SNTG1: variants seen among roughly 807,000 people sequenced by gnomAD.
SNTG1 encodes the protein syntrophin gamma 1, also known as gamma-1-syntrophin.
A neutral mutation model predicts 74.7 loss-of-function variants in SNTG1; 39 were observed. The observed-to-expected ratio is 0.52, with a 90% CI of 0.40 to 0.68. The LOEUF is 0.68. Among genes scored for constraint, SNTG1 ranks in the 30% least tolerant of loss-of-function variants. SNTG1 has a pLI of 0.00. For missense variants in SNTG1, 685 were observed against 609.5 expected (o/e 1.12, Z -1.30); for synonymous variants, 254 against 217.1 (o/e 1.17, Z -1.49).
At chr8:50,014,322 C>T (rs1193388262) in intron 1 of SNTG1, among the ~76,000 whole-genome samples, 1 of 152,108 alleles carries the variant, frequency 6.6e-6, no homozygotes, top group Non-Finnish European at 1.5e-5. Context: ...AGGACAAATA[C>T]AAAATGTGCA....
At chr8:50,724,407 A>G (rs972154185) in intron 17 of SNTG1, among the ~76,000 whole-genome samples, 3 of 152,196 alleles carry the variant, frequency 2.0e-5, no homozygotes, top group African/African-American at 4.8e-5. Context: ...TAATGTGGCC[A>G]TGCAATTTGC....
intron 17 of SNTG1, among the ~76,000 whole-genome samples, chr8:50,730,425 T>G (rs1411157693): frequency 2.0e-5 from 3 of 152,204 alleles, no homozygotes; most frequent in African/African-American, 7.2e-5. Flanking sequence ...CTTTTATTAT[T>G]TCACACTATT....
intron 18 of SNTG1, among the ~76,000 whole-genome samples, chr8:50,772,289 A>G (rs2095629158): frequency 6.6e-6 from 1 of 152,096 alleles, no homozygotes; most frequent in African/African-American, 2.4e-5. Context: ...CTTCACAACA[A>G]TGTACACAGG....
chr8:50,460,478 G>A (rs886324845), intron 8 of SNTG1, among the ~76,000 whole-genome samples: 1 of 152,010 alleles, frequency 6.6e-6, no homozygotes, highest in African/African-American at 2.4e-5. Context: ...TGCAGAAGCT[G>A]TTTAGTTTAA....
intron 13 of SNTG1, among the ~76,000 whole-genome samples, chr8:50,621,441 T>C (rs545488483): frequency 4.6e-5 from 7 of 152,238 alleles, no homozygotes; most frequent in Non-Finnish European, 1.0e-4. Context: ...CCTTTTAATA[T>C]TTTGTTCAGA....
At chr8:50,405,439 G>A (rs1024363002) in intron 4 of SNTG1, among the ~76,000 whole-genome samples, 1 of 151,990 alleles carries the variant, frequency 6.6e-6, no homozygotes, top group Non-Finnish European at 1.5e-5. Context: ...TTGTCTACTT[G>A]TGCGTCCTCT....
intron 15 of SNTG1, among the ~76,000 whole-genome samples, chr8:50,691,795 T>G (rs1216131875): frequency 1.3e-5 from 2 of 152,212 alleles, no homozygotes; most frequent in Admixed American, 1.3e-4. Flanking sequence ...AATGTTGGCC[T>G]GCCTTGCTAG....
chr8:50,228,001 T>C (rs1229073876), intron 2 of SNTG1, among the ~76,000 whole-genome samples: 1 of 145,962 alleles, frequency 6.9e-6, no homozygotes, highest in African/African-American at 2.5e-5. Flanking sequence ...AAAATAAGAA[T>C]CAGATTATGA....
At chr8:50,027,614 C>A (rs1563491936) in intron 1 of SNTG1, among the ~76,000 whole-genome samples, 1 of 152,134 alleles carries the variant, frequency 6.6e-6, no homozygotes, top group Admixed American at 6.5e-5. Flanking sequence ...CTAGAAAAGG[C>A]AAGGGGGCAT....
intron 13 of SNTG1, among the ~76,000 whole-genome samples, chr8:50,622,609 A>G (rs2094930356): frequency 6.6e-6 from 1 of 152,126 alleles, no homozygotes; most frequent in Non-Finnish European, 1.5e-5. Context: ...TATTTTACCA[A>G]TGACATTTCC....
chr8:49,918,216 G>GAT (rs1174038790), intron 1 of SNTG1, among the ~76,000 whole-genome samples: 1 of 152,146 alleles, frequency 6.6e-6, no homozygotes, highest in Non-Finnish European at 1.5e-5. Context: ...GAGTGGCTGA[G>GAT]ATAAAATAGA....
At chr8:50,039,470 A>C (rs1395765009) in intron 1 of SNTG1, among the ~76,000 whole-genome samples, 2 of 150,796 alleles carry the variant, frequency 1.3e-5, no homozygotes, top group African/African-American at 4.8e-5. Context: ...AAAAAAAAAA[A>C]AAAAAAAAAA....
chr8:50,009,115 A>C (rs1815527207), intron 1 of SNTG1, among the ~76,000 whole-genome samples: 1 of 152,166 alleles, frequency 6.6e-6, no homozygotes, highest in Non-Finnish European at 1.5e-5. Context: ...TAACTATTTC[A>C]GACTTTGCTA....
At chr8:50,266,925 G>A (rs2087512349) in intron 2 of SNTG1, among the ~76,000 whole-genome samples, 1 of 151,876 alleles carries the variant, frequency 6.6e-6, no homozygotes, top group South Asian at 2.1e-4. Flanking sequence ...AGACATCTCT[G>A]TGTAGGAACG....
At chr8:50,153,530 G>GT (rs1188476362) in intron 1 of SNTG1, among the ~76,000 whole-genome samples, 2 of 152,126 alleles carry the variant, frequency 1.3e-5, no homozygotes, top group Non-Finnish European at 2.9e-5. Context: ...CATCTTTGTG[G>GT]TTTTATTTAC....
intron 2 of SNTG1, among the ~76,000 whole-genome samples, chr8:50,363,155 G>A (rs2092009297): frequency 2.0e-5 from 3 of 152,042 alleles, no homozygotes; most frequent in African/African-American, 7.3e-5. Flanking sequence ...CAGATTTAGC[G>A]ACTAAATCAT....
intron 1 of SNTG1, among the ~76,000 whole-genome samples, chr8:50,033,409 C>T (rs975434988): frequency 1.3e-5 from 2 of 152,114 alleles, no homozygotes; most frequent in South Asian, 4.1e-4. Context: ...CAGGGGTGAG[C>T]CACTGCGCCC....
intron 1 of SNTG1, among the ~76,000 whole-genome samples, chr8:50,004,502 C>T (rs1424711423): frequency 4.6e-5 from 7 of 152,164 alleles, no homozygotes; most frequent in African/African-American, 1.7e-4. Flanking sequence ...TGCTTGCTCA[C>T]TCCAAACCTC....
At chr8:50,790,805 T>A (rs2095688715) in intron 18 of SNTG1, among the ~76,000 whole-genome samples, 1 of 151,822 alleles carries the variant, frequency 6.6e-6, no homozygotes, top group Non-Finnish European at 1.5e-5. Flanking sequence ...AAGGTGGGAG[T>A]AATTGAAAAT....
Sources: gnomAD v4.1 joint callset for allele counts (sites outside exome capture counted in the v4.1 genomes callset) on GRCh38, gnomAD v4.1.1 for gene constraint, MANE v1.5 for transcripts, NCBI Gene and HGNC (gene_info 2026-07-23, HGNC 2026-07-21) for gene names.